RD3: variants seen among roughly 807,000 people sequenced by gnomAD.
RD3 encodes the protein RD3 regulator of GUCY2D.
RD3 carries 11 observed loss-of-function variants against 16.9 expected under a neutral mutation model. That is an observed-to-expected ratio of 0.65 (90% CI 0.41 to 1.08). RD3 has a LOEUF of 1.08. Ranked by LOEUF, RD3 falls within the 50% of genes least tolerant of loss-of-function variation. The pLI, the probability that RD3 is intolerant of heterozygous loss-of-function variation, is 0.00. For synonymous variants in RD3, 116 were observed against 114.8 expected (o/e 1.01, Z -0.07); for missense variants, 274 against 267.4 (o/e 1.02, Z -0.17).
At chr1:211,483,279 T>C (rs2102369364) in intron 1 of RD3, among the ~76,000 whole-genome samples, 1 of 150,342 alleles carries the variant, frequency 6.7e-6, no homozygotes, top group Non-Finnish European at 1.5e-5. Flanking sequence ...CTGGCCAACA[T>C]GGTGAAACCC....
intron 1 of RD3, among the ~76,000 whole-genome samples, chr1:211,485,937 C>T (rs561453160): frequency 3.5e-4 from 53 of 151,770 alleles, no homozygotes; most frequent in African/African-American, 1.2e-3. Flanking sequence ...TTCAGGAGTT[C>T]GAGACCAGCC....
rs1367294650 is a variant in RD3, at chr1:211,479,211, A to C, written c.413T>G (p.Leu138Arg). 2.5e-6 allele frequency: 4 copies of C among 1,611,186 alleles called. No individual in the cohort carries two copies. The highest frequency in any genetic ancestry group is 1.3e-5 in the African/African-American group (1 of 74,902). Reference protein sequence around the residue: ...RMKQEEEAHKLTRQWSLRPRG... With the variant: ...RMKQEEEAHKRTRQWSLRPRG... ...GGGCCGCAGGCTCCACTGGCGCGTC[A>C]GCTTGTGGGCCTCCTCTTCCTGCTT... The change falls in exon 3 of 3, where the codon CTG becomes CGG. Residue 138 changes from leucine (L) to arginine (R), a missense_variant. Coordinates refer to ENST00000680073, the MANE Select transcript of RD3 (RefSeq NM_001164688.2).
In RD3 at chr1:211,483,411, T is replaced by C. The variant is rs143632855; in HGVS notation, c.-11-1985A>G. On this transcript the variant is annotated intron_variant, in intron 1 of 2. Coordinates refer to ENST00000680073, the MANE Select transcript of RD3 (RefSeq NM_001164688.2). ...GGGGAGGCGGAGTGAGCTGAGATGG[T>C]GCCACTGCATTCCAGCCTGGGTGAC... 2.8e-3 allele frequency among the ~76,000 whole-genome samples: 415 copies of C among 148,528 alleles called. 6 individuals are homozygous for C. The highest frequency in any genetic ancestry group is 9.7e-3 in the African/African-American group (381 of 39,466).
At position 211,478,889 on chromosome 1, in the gene RD3, A is replaced by C; in HGVS notation, c.*147T>G. 4 of 706,924 alleles carry C rather than the reference A, an allele frequency of 5.7e-6. No individual in the cohort carries two copies. The highest frequency in any genetic ancestry group is 6.8e-6 in the Non-Finnish European group (3 of 443,216). The allele number at this position is 706,924 out of a possible 1,614,324, so 43.8% of individuals were successfully genotyped here. On this transcript the variant is annotated 3_prime_UTR_variant, in exon 3 of 3. Coordinates refer to ENST00000680073, the MANE Select transcript of RD3 (RefSeq NM_001164688.2). ...AGAGGATGGGGCAGGGAGTCGCTTC[A>C]TTTTATAGCAGCGTCTTGGGATGGG... is the stretch of plus-strand genomic sequence containing the variant.
chr1:211,478,124 G>A lies in RD3; in HGVS notation c.*912C>T. ...GCGGAACCCTGGAATTGAGAAACCT[G>A]GGCTCTTTAGGGCAGCATCTGAAGT... On this transcript the variant is annotated 3_prime_UTR_variant, in exon 3 of 3. Transcript: ENST00000680073. 2.5e-6 allele frequency: 1 copy of A among 398,636 alleles called. No individual in the cohort carries two copies. The highest frequency in any genetic ancestry group is 1.3e-4 in the South Asian group (1 of 7,846). 24.7% of individuals were successfully genotyped at this position (398,636 alleles called of 1,614,324 possible). A position where few individuals can be genotyped will look rare whatever the true frequency, so the allele number is the denominator to read the frequency against.
At chr1:211,489,761 C>A (rs1458614736) in intron 1 of RD3, among the ~76,000 whole-genome samples, 1 of 152,100 alleles carries the variant, frequency 6.6e-6, no homozygotes, top group Non-Finnish European at 1.5e-5. Context: ...TTGTTCCTGG[C>A]CTTCCCCAGC....
At chr1:211,482,227 A>G (rs1479714364) in intron 1 of RD3, among the ~76,000 whole-genome samples, 1 of 151,934 alleles carries the variant, frequency 6.6e-6, no homozygotes, top group African/African-American at 2.4e-5. Flanking sequence ...CGTTTAAAAA[A>G]AAAACTGTAT....
Position 211,478,974 on chromosome 1 carries a change from G to T in RD3, c.*62C>A, listed in dbSNP as rs1705204625. ...GGGAGGTTCCAGGGCCCGGCGCTCC[G>T]GTCACCGGCCTATCATTCCCCCTGC... is the stretch of plus-strand genomic sequence containing the variant. On this transcript the variant is annotated 3_prime_UTR_variant, in exon 3 of 3. Transcript: ENST00000680073. The T allele has an allele frequency of 2.3e-5, 34 of 1,455,244 alleles. No individual in the cohort carries two copies. In the South Asian group the frequency reaches 4.3e-4, roughly 18 times the overall value. The allele number at this position is 1,455,244 out of a possible 1,614,324, so 90.1% of individuals were successfully genotyped here. A position where few individuals can be genotyped will look rare whatever the true frequency, so the allele number is the denominator to read the frequency against.
At position 211,478,415 on chromosome 1, in the gene RD3, T is replaced by C; in HGVS notation, c.*621A>G. The C allele has an allele frequency of 2.7e-6, 1 of 376,856 alleles. No homozygotes were observed. The highest frequency in any genetic ancestry group is 4.7e-6 in the Non-Finnish European group (1 of 212,952). 23.3% of individuals were successfully genotyped at this position (376,856 alleles called of 1,614,324 possible). A position where few individuals can be genotyped will look rare whatever the true frequency, so the allele number is the denominator to read the frequency against. On this transcript the variant is annotated 3_prime_UTR_variant, in exon 3 of 3. Transcript: ENST00000680073. ...CATGCAGGAACAATCTCACTGTTCA[T>C]GAGGAGCTGGCTGCAGTTAAAGGCA...
chr1:211,485,978 A>C (rs776627315), intron 1 of RD3, among the ~76,000 whole-genome samples: 3 of 151,800 alleles, frequency 2.0e-5, no homozygotes, highest in Non-Finnish European at 4.4e-5. Flanking sequence ...CGTCTCTACC[A>C]AAAATATAAA....
chr1:211,480,220 G>T (rs1038621795), intron 2 of RD3, among the ~76,000 whole-genome samples: 3 of 152,090 alleles, frequency 2.0e-5, no homozygotes, highest in Admixed American at 6.5e-5. Flanking sequence ...GGAGAGTAAG[G>T]TTCTCCATCT....
rs1382738674 is a variant in RD3 at position 211,477,007 on chromosome 1, GTCTGCTTAC to G, written c.*2020_*2028del. The G allele has an allele frequency of 3.3e-5, 5 of 152,020 alleles. No homozygotes were observed. Among genetic ancestry groups the G allele is most frequent in the African/African-American group, 1.2e-4 (5 of 41,362 alleles). The allele number at this position is 152,020 out of a possible 1,614,324, so 9.4% of individuals were successfully genotyped here. On this transcript the variant is annotated 3_prime_UTR_variant, in exon 3 of 3. Transcript: ENST00000680073. The stretch of plus-strand genomic sequence containing the variant: ...CACTTTTGCCCCTACCAGCTGAGCA[GTCTGCTTAC>G]CAAGGGTCACTTCTGCTTGTTCCAA...
chr1:211,478,882 T>G lies in RD3; in HGVS notation c.*154A>C. 1 of 668,134 alleles carries G rather than the reference T, an allele frequency of 1.5e-6. No homozygotes were observed. Among genetic ancestry groups the G allele is most frequent in the Non-Finnish European group, 2.5e-6 (1 of 405,076 alleles). The allele number at this position is 668,134 out of a possible 1,614,324, so 41.4% of individuals were successfully genotyped here. ...CAGAGGAAGAGGATGGGGCAGGGAGTCGCTTCATTTTATAGCAGCGTCTTG... is the reference window on the plus strand; with the variant it reads ...CAGAGGAAGAGGATGGGGCAGGGAGGCGCTTCATTTTATAGCAGCGTCTTG... On this transcript the variant is annotated 3_prime_UTR_variant, in exon 3 of 3. Coordinates refer to ENST00000680073, the MANE Select transcript of RD3 (RefSeq NM_001164688.2).
Position 211,479,151 on chromosome 1 carries a change from C to T in RD3, c.473G>A (p.Arg158His), listed in dbSNP as rs748059354. The part of the protein sequence containing the change: ...GSLATFKTRA[R>H]ISPFASDIRT... Reference sequence around the variant, plus strand: ...GATGTCGCTGGCGAAGGGCGAGATGCGCGCGCGGGTCTTGAAGGTGGCCAG... The same window carrying T: ...GATGTCGCTGGCGAAGGGCGAGATGTGCGCGCGGGTCTTGAAGGTGGCCAG... Residue 158 changes from arginine (R) to histidine (H), a missense_variant, in exon 3 of 3, where the codon CGC becomes CAC. By Grantham distance (29) the Arg-to-His change is conservative (BLOSUM62 0). Transcript: ENST00000680073. 1 of 1,612,450 alleles carries T rather than the reference C, an allele frequency of 6.2e-7. No homozygotes were observed. The highest frequency in any genetic ancestry group is 1.7e-4 in the Middle Eastern group (1 of 6,056).
intron 2 of RD3, among the ~76,000 whole-genome samples, chr1:211,480,918 C>T (rs1000431956): frequency 3.3e-5 from 5 of 152,258 alleles, no homozygotes; most frequent in African/African-American, 9.6e-5. Flanking sequence ...CAGGAGCTGC[C>T]TCCTGCCTCC....
chr1:211,487,655 T>C (rs141759332), intron 1 of RD3, among the ~76,000 whole-genome samples: 1,984 of 152,332 alleles, frequency 0.013, 31 homozygotes, highest in Middle Eastern at 0.034. Flanking sequence ...ATGGCCTGCG[T>C]TGTTCCTCGG....
In RD3 at chr1:211,481,326, C is replaced by T; in HGVS notation, c.90G>A (p.Met30Ile). 1 of 1,614,230 alleles carries T rather than the reference C, an allele frequency of 6.2e-7. No individual in the cohort carries two copies. The highest frequency in any genetic ancestry group is 8.5e-7 in the Non-Finnish European group (1 of 1,180,050). The change falls in exon 2 of 3, where the codon ATG becomes ATA. Residue 30 changes from methionine (M) to isoleucine (I), a missense_variant. Transcript: ENST00000680073. ...CTCGCATCTGCCCCGTCAGCTCCAT[C>T]ATAAGCGTCTCCAGCACCATCTCAG... ...SPAEMVLETL[M>I]MELTGQMREA... is the part of the protein sequence containing the mutation.
Position 211,478,889 on chromosome 1 carries a change from A to T in RD3, c.*147T>A. 1.4e-6 allele frequency: 1 copy of T among 706,934 alleles called. No individual in the cohort carries two copies. The highest frequency in any genetic ancestry group is 2.3e-6 in the Non-Finnish European group (1 of 443,222). 43.8% of individuals were successfully genotyped at this position (706,934 alleles called of 1,614,324 possible). ...AGAGGATGGGGCAGGGAGTCGCTTCATTTTATAGCAGCGTCTTGGGATGGG... is the reference window on the plus strand; with the variant it reads ...AGAGGATGGGGCAGGGAGTCGCTTCTTTTTATAGCAGCGTCTTGGGATGGG... On this transcript the variant is annotated 3_prime_UTR_variant, in exon 3 of 3. Transcript: ENST00000680073.
At position 211,492,048 on chromosome 1, in the gene RD3, G is replaced by GGTGTGTGTGTGTGTGTGT. The variant is rs34485370; in HGVS notation, c.-310_-293dup. 5.1e-5 allele frequency: 7 copies of GGTGTGTGTGTGTGTGTGT among 137,868 alleles called. No homozygotes were observed. Among genetic ancestry groups the GGTGTGTGTGTGTGTGTGT allele is most frequent in the African/African-American group, 1.9e-4 (7 of 37,000 alleles). The allele number at this position is 137,868 out of a possible 1,614,324, so 8.5% of individuals were successfully genotyped here. A position where few individuals can be genotyped will look rare whatever the true frequency, so the allele number is the denominator to read the frequency against. On this transcript the variant is annotated 5_prime_UTR_variant, in exon 1 of 3. Coordinates refer to ENST00000680073, the MANE Select transcript of RD3 (RefSeq NM_001164688.2). ...TGGACTATTGTTTGTGGGGTGTGTA[G>GGTGTGTGTGTGTGTGTGT]GTGTGTGTGTGTGTGTGTGTGTGTG...
Sources: allele counts gnomAD v4.1 joint callset (sites outside exome capture counted in the v4.1 genomes callset), GRCh38; gene constraint gnomAD v4.1.1; transcripts MANE v1.5; gene names NCBI Gene and HGNC (gene_info 2026-07-23, HGNC 2026-07-21).